The following EIF2B3 variants were observed in gnomAD, a reference collection of about 807,000 sequenced individuals.
EIF2B3 encodes translation initiation factor eIF2B subunit gamma.
Under a neutral mutation model 54.1 loss-of-function variants are expected in EIF2B3, and 20 were observed. The observed-to-expected ratio is 0.37, with a 90% CI of 0.26 to 0.54. The LOEUF is 0.54. EIF2B3 is among the 20% of genes least tolerant of loss of function. The pLI, the probability that EIF2B3 is intolerant of heterozygous loss-of-function variation, is 0.86. For missense variants in EIF2B3, 448 were observed against 547.8 expected (o/e 0.82, Z 1.82); for synonymous variants, 153 against 188.1 (o/e 0.81, Z 1.52).
rs572911525 is a variant in EIF2B3, at chr1:44,943,908, G to A, written c.295-2243C>T. On this transcript the variant is annotated intron_variant, in intron 3 of 11. Coordinates refer to ENST00000360403, the MANE Select transcript of EIF2B3 (RefSeq NM_020365.5). ...TGCCTGTATCCCAGCATTTTGGGAC[G>A]CCAAGGTGGGCGGAGTGCCTGAGTT... Among the ~76,000 whole-genome samples the A allele has an allele frequency of 6.6e-5, 10 of 152,010 alleles. No homozygotes were observed. In the South Asian group the frequency reaches 1.2e-3, roughly 19 times the overall value.
At chr1:44,902,504 T>C (rs1477335519) in intron 5 of EIF2B3, among the ~76,000 whole-genome samples, 1 of 149,778 alleles carries the variant, frequency 6.7e-6, no homozygotes, top group African/African-American at 2.5e-5. Context: ...TCATAATAAT[T>C]AAAAAAAAGA....
intron 5 of EIF2B3, among the ~76,000 whole-genome samples, chr1:44,919,634 T>C (rs1265027862): frequency 6.6e-6 from 1 of 152,042 alleles, no homozygotes; most frequent in Non-Finnish European, 1.5e-5. Context: ...CTGGTTGCCA[T>C]TTATACTGGG....
At chr1:44,897,534 G>A (rs1288553446) in intron 5 of EIF2B3, 90 bp from the exon 6 acceptor site, 1 of 1,060,570 alleles carries the variant, frequency 9.4e-7, no homozygotes, top group Non-Finnish European at 1.4e-6. Context: ...GTAGGCACTG[G>A]TAAGTTTATG....
intron 5 of EIF2B3, among the ~76,000 whole-genome samples, chr1:44,910,813 A>G (rs1446272827): frequency 6.6e-6 from 1 of 151,884 alleles, no homozygotes; most frequent in Non-Finnish European, 1.5e-5. Flanking sequence ...GATGGGATGT[A>G]CATTCTGTCA....
intron 2 of EIF2B3, among the ~76,000 whole-genome samples, chr1:44,978,709 T>C (rs1403240218): frequency 7.0e-6 from 1 of 142,586 alleles, no homozygotes; most frequent in Non-Finnish European, 1.5e-5. Flanking sequence ...CTGTCGCAGT[T>C]CACAGCAGCC....
chr1:44,969,256 A>T (rs937740342), intron 3 of EIF2B3, among the ~76,000 whole-genome samples: 1 of 152,192 alleles, frequency 6.6e-6, no homozygotes, highest in Non-Finnish European at 1.5e-5. Flanking sequence ...ACAGAGAAAC[A>T]CTCATTAAAT....
At chr1:44,859,577 G>A (rs1013462329) in intron 10 of EIF2B3, among the ~76,000 whole-genome samples, 1 of 150,668 alleles carries the variant, frequency 6.6e-6, no homozygotes, top group Non-Finnish European at 1.5e-5. Flanking sequence ...AGAATCAATT[G>A]AACCTGGGAG....
At chr1:44,981,621 T>A (rs1258905235) in intron 1 of EIF2B3, among the ~76,000 whole-genome samples, 1 of 152,190 alleles carries the variant, frequency 6.6e-6, no homozygotes, top group African/African-American at 2.4e-5. Flanking sequence ...AGTGGACTTC[T>A]GATGTGTGAA....
At chr1:44,863,150 CT>C (rs1654666756) in intron 10 of EIF2B3, 1 of 152,158 alleles carries the variant, frequency 6.6e-6, no homozygotes, top group African/African-American at 2.4e-5. Flanking sequence ...GCTTTCTAAA[CT>C]ACTCATGACC....
intron 5 of EIF2B3, among the ~76,000 whole-genome samples, chr1:44,907,277 T>C (rs1224016309): frequency 6.6e-6 from 1 of 152,156 alleles, no homozygotes; most frequent in Admixed American, 6.6e-5. Flanking sequence ...GCTTTGGTAG[T>C]GGCTGGGCGC....
chr1:44,931,923 C>T (rs564240989), intron 4 of EIF2B3, among the ~76,000 whole-genome samples: 2 of 152,306 alleles, frequency 1.3e-5, no homozygotes, highest in Admixed American at 1.3e-4. Context: ...TCAAGATCAT[C>T]TCTGCTAACA....
chr1:44,950,246 G>A (rs1644145856), intron 3 of EIF2B3, among the ~76,000 whole-genome samples: 1 of 152,108 alleles, frequency 6.6e-6, no homozygotes, highest in South Asian at 2.1e-4. Context: ...AACATAGCGA[G>A]ACCTTATCTC....
At chr1:44,935,627 G>A (rs1261082759) in intron 4 of EIF2B3, among the ~76,000 whole-genome samples, 2 of 152,150 alleles carry the variant, frequency 1.3e-5, no homozygotes. Context: ...AGCCTCCCGA[G>A]TAGCTGGGAC....
chr1:44,869,757 C>T (rs1050743856), intron 10 of EIF2B3, among the ~76,000 whole-genome samples: 5 of 151,702 alleles, frequency 3.3e-5, no homozygotes, highest in South Asian at 2.1e-4. Flanking sequence ...CGAGCCACCA[C>T]GCCTGGCTAA....
At chr1:44,883,941 T>G (rs1011660429) in intron 6 of EIF2B3, among the ~76,000 whole-genome samples, 2 of 152,124 alleles carry the variant, frequency 1.3e-5, no homozygotes, top group Admixed American at 6.5e-5. Flanking sequence ...TGGGCTCAAG[T>G]GATCCTCCTG....
At chr1:44,983,718 A>AT (rs1005201629) in intron 1 of EIF2B3, among the ~76,000 whole-genome samples, 54 of 149,264 alleles carry the variant, frequency 3.6e-4, no homozygotes, top group Non-Finnish European at 6.1e-4. Context: ...CTAAAAAAAA[A>AT]TTTTTTTTTT....
chr1:44,941,208 T>C (rs1478703804), intron 4 of EIF2B3, among the ~76,000 whole-genome samples: 2 of 152,204 alleles, frequency 1.3e-5, no homozygotes, highest in Admixed American at 6.5e-5. Flanking sequence ...TAATTTTAAA[T>C]TGGATTTTTG....
chr1:44,944,818 G>T (rs1280111373), intron 3 of EIF2B3, among the ~76,000 whole-genome samples: 1 of 151,992 alleles, frequency 6.6e-6, no homozygotes, highest in African/African-American at 2.4e-5. Context: ...GACAGAGTGA[G>T]GCCTTGTCTC....
chr1:44,916,917 T>A (rs940746979), intron 5 of EIF2B3, among the ~76,000 whole-genome samples: 1 of 152,146 alleles, frequency 6.6e-6, no homozygotes, highest in African/African-American at 2.4e-5. Flanking sequence ...AAAATCTTCA[T>A]TGTTTATAAT....
Sources: allele counts gnomAD v4.1 joint callset (sites outside exome capture counted in the v4.1 genomes callset), GRCh38; gene constraint gnomAD v4.1.1; transcripts MANE v1.5; gene names NCBI Gene and HGNC (gene_info 2026-07-23, HGNC 2026-07-21).